Variants in N4BP2 observed in about 807,000 individuals in gnomAD.
N4BP2 encodes NEDD4-binding protein 2.
Under a neutral mutation model 152.8 loss-of-function variants are expected in N4BP2, and 91 were observed. The ratio of observed to expected loss-of-function variants is 0.60; its 90% CI spans 0.50 to 0.71. N4BP2 has a LOEUF of 0.71. Ranked by LOEUF, N4BP2 falls within the 30% of genes least tolerant of loss-of-function variation. N4BP2 has a pLI of 0.00. For missense variants in N4BP2, 1,923 were observed against 2,059.1 expected (o/e 0.93, Z 1.28); for synonymous variants, 646 against 705.3 (o/e 0.92, Z 1.33).
In N4BP2 at chr4:40,120,590, T is replaced by C. The variant is rs1717792138; in HGVS notation, c.2479T>C (p.Leu827=). The change falls in exon 9 of 18, where the codon TTA becomes CTA. Residue 827 remains leucine (L), a synonymous_variant. Transcript: ENST00000261435. Reference sequence around the variant, plus strand: ...GTATAATTACCCTCAGTCACACAAATTAGTTAACAGTGTATCTGTGAATAC... The same window carrying C: ...GTATAATTACCCTCAGTCACACAAACTAGTTAACAGTGTATCTGTGAATAC... ...KKYNYPQSHK[L]VNSVSVNTDC... 6.2e-7 allele frequency: 1 copy of C among 1,613,960 alleles called. No individual in the cohort carries two copies. Among genetic ancestry groups the C allele is most frequent in the South Asian group, 1.1e-5 (1 of 91,076 alleles).
chr4:40,076,417 A>G (rs1712736231), intron 2 of N4BP2, among the ~76,000 whole-genome samples: 1 of 152,092 alleles, frequency 6.6e-6, no homozygotes, highest in African/African-American at 2.4e-5. Context: ...CAGAGGTAGC[A>G]TTGAGCTCAG....
intron 12 of N4BP2, among the ~76,000 whole-genome samples, chr4:40,130,502 A>T (rs866450758): frequency 1.3e-5 from 2 of 151,966 alleles, no homozygotes. Context: ...CAATTCTAGC[A>T]TTTTCCCAGA....
At chr4:40,092,318 A>G (rs1199033131) in intron 2 of N4BP2, among the ~76,000 whole-genome samples, 3 of 151,194 alleles carry the variant, frequency 2.0e-5, no homozygotes, top group Non-Finnish European at 4.4e-5. Context: ...TATGAATTAA[A>G]TTTCTTTATA....
chr4:40,148,420 C>G (rs973128526), intron 16 of N4BP2, among the ~76,000 whole-genome samples: 1 of 140,064 alleles, frequency 7.1e-6, no homozygotes, highest in African/African-American at 2.7e-5. Flanking sequence ...AGCTTCGGCT[C>G]GGCATCAGAG....
At chr4:40,144,000 G>A (rs947975558) in intron 15 of N4BP2, among the ~76,000 whole-genome samples, 10 of 152,156 alleles carry the variant, frequency 6.6e-5, no homozygotes, top group South Asian at 2.1e-4. Flanking sequence ...TAGCGCAGTC[G>A]AAGTTCAAAG....
chr4:40,151,671 T>C (rs568563842), intron 16 of N4BP2, among the ~76,000 whole-genome samples: 1 of 152,308 alleles, frequency 6.6e-6, no homozygotes, highest in South Asian at 2.1e-4. Flanking sequence ...GTAAAAAGGT[T>C]TTACACTATA....
intron 2 of N4BP2, among the ~76,000 whole-genome samples, chr4:40,094,323 G>C (rs777988372): frequency 6.6e-6 from 1 of 152,034 alleles, no homozygotes; most frequent in Non-Finnish European, 1.5e-5. Context: ...TGCTGTTGTT[G>C]GGTGGAGTGT....
the N4BP2 span, among the ~76,000 whole-genome samples, chr4:40,169,736 G>A: frequency 1.3e-5 from 2 of 150,482 alleles, no homozygotes; most frequent in East Asian, 3.9e-4. Flanking sequence ...AGGCCGAGGT[G>A]GGTGGATCAC....
chr4:40,103,779 C>G (rs1050397878), intron 4 of N4BP2, among the ~76,000 whole-genome samples: 2 of 152,108 alleles, frequency 1.3e-5, no homozygotes, highest in African/African-American at 4.8e-5. Context: ...ACACCTTTAT[C>G]CCTTCTGTAG....
intron 14 of N4BP2, among the ~76,000 whole-genome samples, chr4:40,141,980 C>T (rs1049648938): frequency 6.6e-6 from 1 of 151,856 alleles, no homozygotes; most frequent in Non-Finnish European, 1.5e-5. Flanking sequence ...GGCAGGCACT[C>T]GGCAAGCTGA....
intron 1 of N4BP2, among the ~76,000 whole-genome samples, chr4:40,064,864 G>A (rs1054664652): frequency 5.3e-5 from 8 of 151,952 alleles, no homozygotes; most frequent in African/African-American, 1.7e-4. Flanking sequence ...CCGCCTCCCA[G>A]GTTCAAGCGA....
chr4:40,107,474 C>G (rs908408393), intron 5 of N4BP2, among the ~76,000 whole-genome samples: 1 of 151,976 alleles, frequency 6.6e-6, no homozygotes, highest in Non-Finnish European at 1.5e-5. Context: ...ACCTCTGCCT[C>G]CTGGGTTCAA....
chr4:40,174,999 G>T, the N4BP2 span, among the ~76,000 whole-genome samples: 1 of 151,748 alleles, frequency 6.6e-6, no homozygotes, highest in African/African-American at 2.4e-5. Flanking sequence ...GTACTGCTTG[G>T]TCTCACTTGC....
At chr4:40,159,888 T>G (rs1721809791), downstream of N4BP2, among the ~76,000 whole-genome samples, 1 of 152,164 alleles carries the variant, frequency 6.6e-6, no homozygotes, top group African/African-American at 2.4e-5. Context: ...GTTGTTTTTT[T>G]TTTGAGATGG....
At position 40,121,776 on chromosome 4, in the gene N4BP2, C is replaced by G; in HGVS notation, c.3665C>G (p.Pro1222Arg). 6.2e-7 allele frequency: 1 copy of G among 1,613,912 alleles called. No individual in the cohort carries two copies. Residue 1222 changes from proline to arginine, a missense_variant, in exon 9 of 18, where the codon CCC becomes CGC. Physicochemically the swap from Pro to Arg is moderately radical, Grantham distance 103. Transcript: ENST00000261435. ...ENHESMTSIFPSAAVGLKNNN... is the reference protein window; with the variant it reads ...ENHESMTSIFRSAAVGLKNNN... Reference sequence around the variant, plus strand: ...CATGAATCGATGACAAGTATATTTCCCAGTGCTGCTGTGGGTCTAAAGAAT... The same window carrying G: ...CATGAATCGATGACAAGTATATTTCGCAGTGCTGCTGTGGGTCTAAAGAAT...
At chr4:40,079,896 C>T (rs1177836578) in intron 2 of N4BP2, among the ~76,000 whole-genome samples, 1 of 151,936 alleles carries the variant, frequency 6.6e-6, no homozygotes. Context: ...TTAGATTTTA[C>T]ATCAGGTTAA....
chr4:40,173,947 T>A, the N4BP2 span, among the ~76,000 whole-genome samples: 1 of 152,214 alleles, frequency 6.6e-6, no homozygotes, highest in Non-Finnish European at 1.5e-5. Flanking sequence ...CATAAACTTT[T>A]CTGGGCTTAT....
chr4:40,163,424 G>A, the N4BP2 span, among the ~76,000 whole-genome samples: 15 of 152,332 alleles, frequency 9.8e-5, no homozygotes, highest in African/African-American at 3.4e-4. Context: ...ATTTTGATTG[G>A]TGGAAAAGCC....
At chr4:40,140,306 T>C (rs936962424) in intron 14 of N4BP2, among the ~76,000 whole-genome samples, 4 of 152,206 alleles carry the variant, frequency 2.6e-5, no homozygotes, top group Non-Finnish European at 5.9e-5. Flanking sequence ...CTGTCATGGA[T>C]AGATAGATGC....
Sources: allele counts gnomAD v4.1 joint callset (sites outside exome capture counted in the v4.1 genomes callset), GRCh38; gene constraint gnomAD v4.1.1; transcripts MANE v1.5; gene names NCBI Gene and HGNC (gene_info 2026-07-23, HGNC 2026-07-21).